Variants in NARS2 observed in about 807,000 individuals in gnomAD.
NARS2 encodes asparaginyl-tRNA synthetase.
In NARS2, 60 loss-of-function variants were observed where a neutral mutation model predicts 62.9. The observed-to-expected ratio is 0.95, with a 90% CI of 0.77 to 1.18. The LOEUF (loss-of-function observed/expected upper bound fraction) is 1.18, where lower values mean the gene tolerates loss of function less well. Among genes scored for constraint, NARS2 ranks in the 50% most tolerant of loss-of-function variants. The probability of loss-of-function intolerance (pLI) is 0.00; values close to 1 mark genes in which losing one functional copy is unlikely to be tolerated. For missense variants in NARS2, 619 were observed against 576.4 expected (o/e 1.07, Z -0.76); for synonymous variants, 196 against 200.0 (o/e 0.98, Z 0.17).
chr11:78,526,763 A>T (rs1223862119), intron 6 of NARS2, among the ~76,000 whole-genome samples: 1 of 152,128 alleles, frequency 6.6e-6, no homozygotes, highest in Non-Finnish European at 1.5e-5. Context: ...AGAAACAAAC[A>T]TTTGCTAAGT....
intron 6 of NARS2, among the ~76,000 whole-genome samples, chr11:78,511,071 T>C (rs1024130166): frequency 6.6e-6 from 1 of 152,204 alleles, no homozygotes. Context: ...TTTTTGTTGT[T>C]ACTGTGGTTG....
At chr11:78,493,674 CAAAAAAAAAAA>C (rs891436051) in intron 6 of NARS2, among the ~76,000 whole-genome samples, 1 of 102,770 alleles carries the variant, frequency 9.7e-6, no homozygotes, top group African/African-American at 3.6e-5. Flanking sequence ...AACAAACAAA[CAAAAAAAAAAA>C]AGAAAAAAAA....
At chr11:78,511,719 A>G (rs1860729779) in intron 6 of NARS2, among the ~76,000 whole-genome samples, 1 of 74,684 alleles carries the variant, frequency 1.3e-5, no homozygotes, top group Non-Finnish European at 4.2e-5. Context: ...TCCGTCTCCA[A>G]AGAAAAAAAA....
chr11:78,500,067 C>T (rs1219980995), intron 6 of NARS2, among the ~76,000 whole-genome samples: 2 of 152,128 alleles, frequency 1.3e-5, no homozygotes, highest in Non-Finnish European at 2.9e-5. Context: ...TTTAAGTCTA[C>T]AAATATTTCA....
chr11:78,487,325 C>T lies in NARS2; in HGVS notation c.822+5738G>A, dbSNP rs573573560. On this transcript the variant is annotated intron_variant, in intron 7 of 13. Coordinates refer to ENST00000281038, the MANE Select transcript of NARS2 (RefSeq NM_024678.6). The stretch of plus-strand genomic sequence containing the variant: ...GAGCTGAGATCATGCCACTGCACTC[C>T]AGCCTGGGCAACAGAGTGAGGCTCT... Among the ~76,000 whole-genome samples the T allele has an allele frequency of 2.0e-5, 3 of 146,716 alleles. No homozygotes were observed. In the South Asian group the frequency reaches 6.4e-4, roughly 31 times the overall value.
At chr11:78,463,982 C>A (rs1290665611) in intron 11 of NARS2, among the ~76,000 whole-genome samples, 2 of 152,318 alleles carry the variant, frequency 1.3e-5, no homozygotes, top group East Asian at 1.9e-4. Flanking sequence ...CTTGGTCTCA[C>A]TGACTTCAAC....
intron 11 of NARS2, among the ~76,000 whole-genome samples, chr11:78,458,386 A>G (rs1021850188): frequency 1.3e-5 from 2 of 152,242 alleles, no homozygotes; most frequent in Non-Finnish European, 2.9e-5. Flanking sequence ...TTTAATCCTC[A>G]CAACTCCATA....
intron 6 of NARS2, among the ~76,000 whole-genome samples, chr11:78,497,753 T>C (rs2135344634): frequency 6.6e-6 from 1 of 152,246 alleles, no homozygotes; most frequent in Middle Eastern, 3.4e-3. Flanking sequence ...CTTTCCCCTA[T>C]CTGTCCACCA....
At position 78,488,092 on chromosome 11, in the gene NARS2, T is replaced by C. The variant is rs1320883858; in HGVS notation, c.822+4971A>G. On this transcript the variant is annotated intron_variant, in intron 7 of 13. Transcript: ENST00000281038. ...CTCTTCTGAAATTATTTAAAATATG[T>C]ATGGTGATTGAGAGCAAAAATTCAA... is the stretch of plus-strand genomic sequence containing the variant. 2.6e-5 allele frequency among the ~76,000 whole-genome samples: 4 copies of C among 152,154 alleles called. No homozygotes were observed. The East Asian group carries it at 7.7e-4, about 29-fold the overall frequency.
chr11:78,566,002 T>C (rs569136929), intron 4 of NARS2, 130 bp downstream of exon 4: 238 of 697,192 alleles, frequency 3.4e-4, no homozygotes, highest in Non-Finnish European at 4.8e-4. Flanking sequence ...CCATAACCCA[T>C]AATGAAGAGA....
chr11:78,479,493 G>C (rs1306014470), intron 7 of NARS2, among the ~76,000 whole-genome samples: 1 of 152,140 alleles, frequency 6.6e-6, no homozygotes, highest in Non-Finnish European at 1.5e-5. Context: ...CTAGGTGACA[G>C]AGTGAGATCC....
chr11:78,535,687 T>C (rs1354644090), intron 5 of NARS2, among the ~76,000 whole-genome samples: 9 of 151,876 alleles, frequency 5.9e-5, no homozygotes, highest in Non-Finnish European at 1.2e-4. Context: ...TGGAGTGCAA[T>C]GGCACGATCT....
chr11:78,559,573 T>G lies in NARS2; in HGVS notation c.560A>C (p.Asp187Ala). 1 of 1,613,274 alleles carries G rather than the reference T, an allele frequency of 6.2e-7. No individual in the cohort carries two copies. The highest frequency in any genetic ancestry group is 8.5e-7 in the Non-Finnish European group (1 of 1,179,568). Residue 187 changes from aspartate to alanine, a missense_variant, in exon 5 of 14, where the codon GAC (aspartate) becomes GCC (alanine). Coordinates refer to ENST00000281038, the MANE Select transcript of NARS2 (RefSeq NM_024678.6). ...HIHTPIITSN[D>A]SEGAGELFQL... is the part of the protein sequence containing the mutation. ...AAAAAGTTCTCCAGCTCCCTCAGAG[T>G]CATTGGATGTGATTATTGGAGTATG...
chr11:78,548,968 G>A (rs1166223333), intron 5 of NARS2, among the ~76,000 whole-genome samples: 1 of 152,172 alleles, frequency 6.6e-6, no homozygotes, highest in Non-Finnish European at 1.5e-5. Flanking sequence ...AGCTTGGCAA[G>A]ACAGAAACTC....
intron 9 of NARS2, among the ~76,000 whole-genome samples, chr11:78,470,389 T>C (rs1017650915): frequency 6.6e-6 from 1 of 152,178 alleles, no homozygotes; most frequent in Non-Finnish European, 1.5e-5. Flanking sequence ...TCCTTTCCTT[T>C]CACACAATCA....
chr11:78,525,587 TAAAG>T (rs2135420793), intron 6 of NARS2, among the ~76,000 whole-genome samples: 1 of 152,062 alleles, frequency 6.6e-6, no homozygotes, highest in South Asian at 2.1e-4. Flanking sequence ...AAATAAAAAA[TAAAG>T]AAGGATAAAG....
intron 6 of NARS2, among the ~76,000 whole-genome samples, chr11:78,509,564 T>C (rs116611932): frequency 0.014 from 2,178 of 152,176 alleles, 45 homozygotes; most frequent in African/African-American, 0.049. Flanking sequence ...ACTAGTATTA[T>C]TGCAAATTTT....
At chr11:78,444,734 A>C (rs964009543) in intron 11 of NARS2, among the ~76,000 whole-genome samples, 3 of 151,920 alleles carry the variant, frequency 2.0e-5, no homozygotes, top group African/African-American at 7.3e-5. Context: ...AAACAAAAAA[A>C]AAAAAAAGGG....
At chr11:78,454,620 A>G (rs1251962285) in intron 11 of NARS2, among the ~76,000 whole-genome samples, 1 of 148,444 alleles carries the variant, frequency 6.7e-6, no homozygotes, top group African/African-American at 2.5e-5. Flanking sequence ...ACCAAGTCTC[A>G]GGTGTTTTTT....
Sources: allele counts gnomAD v4.1 joint callset (sites outside exome capture counted in the v4.1 genomes callset), GRCh38; gene constraint gnomAD v4.1.1; transcripts MANE v1.5; gene names NCBI Gene and HGNC (gene_info 2026-07-23, HGNC 2026-07-21).